GBE1: variants seen among roughly 807,000 people sequenced by gnomAD.
The protein encoded by GBE1 is 1,4-alpha-glucan-branching enzyme.
A neutral mutation model predicts 88.8 loss-of-function variants in GBE1; 70 were observed. The observed-to-expected ratio is 0.79, with a 90% CI of 0.65 to 0.96. The LOEUF (loss-of-function observed/expected upper bound fraction) is 0.96. Ranked by LOEUF, GBE1 falls within the 40% of genes least tolerant of loss-of-function variation. The probability of loss-of-function intolerance (pLI) is 0.00; values close to 1 mark genes in which losing one functional copy is unlikely to be tolerated. For synonymous variants in GBE1, 284 were observed against 300.1 expected (o/e 0.95, Z 0.56); for missense variants, 872 against 871.0 (o/e 1.00, Z -0.01).
intron 7 of GBE1, among the ~76,000 whole-genome samples, chr3:81,598,125 C>A (rs1438876264): frequency 2.0e-5 from 3 of 151,756 alleles, no homozygotes; most frequent in Non-Finnish European, 2.9e-5. Context: ...TCCAAAAATA[C>A]CTCTGAGATT....
intron 14 of GBE1, among the ~76,000 whole-genome samples, chr3:81,500,714 T>C (rs1702575032): frequency 6.6e-6 from 1 of 152,222 alleles, no homozygotes; most frequent in African/African-American, 2.4e-5. Context: ...AGTTATGTTA[T>C]TACAAGGGGT....
At chr3:81,608,514 C>T (rs1353588630) in intron 7 of GBE1, among the ~76,000 whole-genome samples, 1 of 152,130 alleles carries the variant, frequency 6.6e-6, no homozygotes, top group African/African-American at 2.4e-5. Context: ...CACTAAAGGT[C>T]ACGGAATACG....
chr3:81,617,879 A>G (rs1704271955), intron 7 of GBE1, among the ~76,000 whole-genome samples: 1 of 152,022 alleles, frequency 6.6e-6, no homozygotes, highest in Non-Finnish European at 1.5e-5. Context: ...CTTTTAAGTT[A>G]CAAATTAAAT....
intron 7 of GBE1, among the ~76,000 whole-genome samples, chr3:81,618,092 G>T (rs944412669): frequency 6.6e-6 from 1 of 151,862 alleles, no homozygotes; most frequent in Non-Finnish European, 1.5e-5. Context: ...GTATTTAGCC[G>T]TACTTTTACT....
chr3:81,610,832 C>T (rs1190826235), intron 7 of GBE1, among the ~76,000 whole-genome samples: 1 of 152,116 alleles, frequency 6.6e-6, no homozygotes, highest in Non-Finnish European at 1.5e-5. Flanking sequence ...TGAGCACTGA[C>T]AAGTTCCCAA....
At chr3:81,616,189 T>C (rs1392648311) in intron 7 of GBE1, among the ~76,000 whole-genome samples, 3 of 152,170 alleles carry the variant, frequency 2.0e-5, no homozygotes, top group Non-Finnish European at 2.9e-5. Flanking sequence ...CATTTCATCA[T>C]CTTAACAAGA....
intron 7 of GBE1, among the ~76,000 whole-genome samples, chr3:81,620,176 A>G (rs1046186176): frequency 7.5e-6 from 1 of 133,072 alleles, no homozygotes; most frequent in African/African-American, 3.1e-5. Context: ...TATTTTTGAC[A>G]TGGAAATAAT....
intron 3 of GBE1, among the ~76,000 whole-genome samples, chr3:81,670,071 A>C (rs1705168390): frequency 6.6e-6 from 1 of 152,224 alleles, no homozygotes; most frequent in Non-Finnish European, 1.5e-5. Flanking sequence ...ATATTATATA[A>C]TTATATGACC....
At chr3:81,590,339 A>G (rs1703860688) in intron 9 of GBE1, among the ~76,000 whole-genome samples, 1 of 152,222 alleles carries the variant, frequency 6.6e-6, no homozygotes, top group South Asian at 2.1e-4. Context: ...CAGTTTTAAC[A>G]TGCTAAATTC....
intron 1 of GBE1, among the ~76,000 whole-genome samples, chr3:81,759,122 T>C (rs776246789): frequency 2.6e-5 from 4 of 152,180 alleles, no homozygotes; most frequent in African/African-American, 9.7e-5. Context: ...ATAAACCTCT[T>C]CCTTTTGTAA....
chr3:81,729,792 T>C (rs552835544), intron 1 of GBE1, among the ~76,000 whole-genome samples: 3 of 152,240 alleles, frequency 2.0e-5, no homozygotes, highest in East Asian at 1.9e-4. Context: ...ATGCTATCCA[T>C]GGGTTCATGG....
At chr3:81,750,574 TAC>T (rs1378276739) in intron 1 of GBE1, among the ~76,000 whole-genome samples, 3,637 of 65,142 alleles carry the variant, frequency 0.056, 355 homozygotes, top group African/African-American at 0.11. Flanking sequence ...TATATATATA[TAC>T]GTATATATAT....
Position 81,639,883 on chromosome 3 carries a change from G to A in GBE1, c.992+2898C>T, listed in dbSNP as rs547773193. 6.8e-4 allele frequency among the ~76,000 whole-genome samples: 104 copies of A among 152,148 alleles called. 3 individuals are homozygous for A. Among genetic ancestry groups the A allele is most frequent in the Admixed American group, 6.7e-3 (103 of 15,270 alleles). ...AAAGCAGATGCTCTGTCCCCTATAT[G>A]AGCCACCCCAGGGGACACAAGGTGA... On this transcript the variant is annotated intron_variant, in intron 7 of 15. Coordinates refer to ENST00000429644, the MANE Select transcript of GBE1 (RefSeq NM_000158.4).
chr3:81,548,822 A>T lies in GBE1; in HGVS notation c.1619-11727T>A, dbSNP rs117887676. ...GAAGATGAGTTAACTGCATGGACTA[A>T]ACTAATGTAAGATTAAAGAAACTTT... is the stretch of plus-strand genomic sequence containing the variant. On this transcript the variant is annotated intron_variant, in intron 12 of 15. Transcript: ENST00000429644. Among the ~76,000 whole-genome samples the T allele has an allele frequency of 4.2e-3, 638 of 150,910 alleles. 28 individuals carry two copies. The East Asian group carries it at 0.11, about 25-fold the overall frequency.
intron 4 of GBE1, 145 bp downstream of exon 4, chr3:81,649,651 C>T (rs1414267758): frequency 1.8e-6 from 1 of 567,480 alleles, no homozygotes; most frequent in African/African-American, 1.9e-5. Context: ...GATACTCATA[C>T]AGTATAAAAG....
intron 7 of GBE1, among the ~76,000 whole-genome samples, chr3:81,610,782 G>A (rs1559662063): frequency 1.3e-5 from 2 of 152,238 alleles, no homozygotes; most frequent in African/African-American, 4.8e-5. Flanking sequence ...TGACCAGGGT[G>A]CTTTCAAGTT....
intron 14 of GBE1, among the ~76,000 whole-genome samples, chr3:81,522,527 C>T (rs969571379): frequency 6.6e-6 from 1 of 151,318 alleles, no homozygotes; most frequent in African/African-American, 2.4e-5. Context: ...GAAATGCTCT[C>T]CTGCTCCCTT....
intron 12 of GBE1, among the ~76,000 whole-genome samples, chr3:81,573,851 A>G (rs1422236201): frequency 6.6e-6 from 1 of 151,818 alleles, no homozygotes; most frequent in Non-Finnish European, 1.5e-5. Context: ...CTGATGCTCT[A>G]TCTGATGCAT....
chr3:81,576,891 C>A (rs1703654849), intron 12 of GBE1, among the ~76,000 whole-genome samples: 1 of 151,944 alleles, frequency 6.6e-6, no homozygotes, highest in Admixed American at 6.6e-5. Flanking sequence ...TTTAAAAGTT[C>A]AATCTGAGAT....
Sources: allele counts gnomAD v4.1 joint callset (sites outside exome capture counted in the v4.1 genomes callset), GRCh38; gene constraint gnomAD v4.1.1; transcripts MANE v1.5; gene names NCBI Gene and HGNC (gene_info 2026-07-23, HGNC 2026-07-21).